Variants in NXN observed in about 807,000 individuals in gnomAD.
NXN encodes nucleoredoxin 1.
A neutral mutation model predicts 48.6 loss-of-function variants in NXN; 16 were observed. The observed-to-expected ratio is 0.33, with a 90% CI of 0.22 to 0.50. The LOEUF (loss-of-function observed/expected upper bound fraction) is 0.50, where lower values mean the gene tolerates loss of function less well. NXN is among the 20% of genes least tolerant of loss of function. The probability of loss-of-function intolerance (pLI) is 0.98; values close to 1 mark genes in which losing one functional copy is unlikely to be tolerated. For missense variants in NXN, 492 were observed against 605.5 expected (o/e 0.81, Z 1.97); for synonymous variants, 281 against 269.6 (o/e 1.04, Z -0.41).
intron 5 of NXN, 121 bp downstream of exon 5, chr17:819,318 A>G: frequency 1.3e-6 from 1 of 744,308 alleles, no homozygotes; most frequent in Non-Finnish European, 2.4e-6. Context: ...GAAACATGAA[A>G]GGCACATGAA....
chr17:812,556 A>T (rs560144714), intron 5 of NXN, among the ~76,000 whole-genome samples: 1 of 151,630 alleles, frequency 6.6e-6, no homozygotes, highest in South Asian at 2.1e-4. Context: ...CTGCAGAGCG[A>T]GTGTGTGTGT....
intron 1 of NXN, among the ~76,000 whole-genome samples, chr17:971,641 C>T (rs1425626217): frequency 6.6e-6 from 1 of 151,686 alleles, no homozygotes; most frequent in Non-Finnish European, 1.5e-5. Flanking sequence ...ACCGGGAAGG[C>T]GGAGCTGGCA....
chr17:878,619 G>A (rs2068247593), intron 1 of NXN, among the ~76,000 whole-genome samples: 1 of 152,078 alleles, frequency 6.6e-6, no homozygotes, highest in Admixed American at 6.5e-5. Context: ...GTGAACAACT[G>A]GTACTGTAGC....
intron 1 of NXN, among the ~76,000 whole-genome samples, chr17:948,353 G>T (rs985415161): frequency 7.9e-5 from 12 of 151,866 alleles, no homozygotes; most frequent in African/African-American, 2.9e-4. Flanking sequence ...GAAAACAAAG[G>T]AAACAAAACA....
intron 1 of NXN, among the ~76,000 whole-genome samples, chr17:935,710 G>A (rs537522140): frequency 6.6e-6 from 1 of 152,116 alleles, no homozygotes; most frequent in Non-Finnish European, 1.5e-5. Flanking sequence ...ATTCATGCGG[G>A]TATTGACTGT....
intron 5 of NXN, among the ~76,000 whole-genome samples, chr17:807,855 C>T (rs1433521024): frequency 6.6e-6 from 1 of 152,248 alleles, no homozygotes; most frequent in African/African-American, 2.4e-5. Context: ...GGGCGGGAAA[C>T]GGAACTGGCT....
rs985952610 is a variant in NXN, at chr17:956,500, A to G, written c.360+22819T>C. On this transcript the variant is annotated intron_variant, in intron 1 of 7. Transcript: ENST00000336868. The surrounding 1 kb of genome is among the most constrained non-coding windows in gnomAD (Gnocchi z 4.1). ...ACAACCTCAGCTCACTGCAACCTCC[A>G]CCTCCCGGGTTCCCGCCATTCTCCT... 6.6e-6 allele frequency among the ~76,000 whole-genome samples: 1 copy of G among 151,018 alleles called. No individual in the cohort carries two copies.
At chr17:835,299 C>T (rs1913749926) in intron 1 of NXN, among the ~76,000 whole-genome samples, 1 of 145,874 alleles carries the variant, frequency 6.9e-6, no homozygotes, top group Non-Finnish European at 1.5e-5. Flanking sequence ...CAGACCGAGA[C>T]TCTGTTTCAA....
intron 1 of NXN, among the ~76,000 whole-genome samples, chr17:957,439 C>G (rs1233328263): frequency 1.3e-5 from 2 of 152,078 alleles, no homozygotes; most frequent in Non-Finnish European, 2.9e-5. Context: ...CAAGACCAGC[C>G]TGGCCAAGAT....
chr17:913,819 A>G (rs1404134508), intron 1 of NXN, among the ~76,000 whole-genome samples: 3 of 152,256 alleles, frequency 2.0e-5, no homozygotes, highest in African/African-American at 7.2e-5. Context: ...CACTGGCATA[A>G]ACTCACTTAC....
chr17:815,398 C>A (rs2983482), intron 5 of NXN, among the ~76,000 whole-genome samples: 3,253 of 120,792 alleles, frequency 0.027, 116 homozygotes, highest in African/African-American at 0.097. Flanking sequence ...TCAGCTGACA[C>A]CCATCCGTAC....
intron 7 of NXN, among the ~76,000 whole-genome samples, chr17:802,087 G>C (rs565583145): frequency 6.6e-6 from 1 of 152,232 alleles, no homozygotes; most frequent in South Asian, 2.1e-4. Context: ...GGCAAACACA[G>C]AAATCCAAAG....
intron 5 of NXN, among the ~76,000 whole-genome samples, chr17:806,940 A>ACG (rs374923085): frequency 0.018 from 2,710 of 146,964 alleles, 72 homozygotes; most frequent in Admixed American, 0.052. Context: ...ACACACACAC[A>ACG]CACACACGCA....
intron 1 of NXN, among the ~76,000 whole-genome samples, chr17:969,958 T>G (rs1183912206): frequency 6.6e-6 from 1 of 152,160 alleles, no homozygotes; most frequent in Non-Finnish European, 1.5e-5. Context: ...AATTGGTGCC[T>G]GTACTGAGAC....
chr17:811,695 CG>C (rs1272777791), intron 5 of NXN, among the ~76,000 whole-genome samples: 3 of 152,104 alleles, frequency 2.0e-5, no homozygotes, highest in Admixed American at 2.0e-4. Context: ...TTGGCCAGGC[CG>C]GCCTGGGGCC....
intron 6 of NXN, among the ~76,000 whole-genome samples, chr17:804,792 C>G (rs887340212): frequency 1.3e-5 from 2 of 152,212 alleles, no homozygotes; most frequent in African/African-American, 2.4e-5. Context: ...AATGGGTCTG[C>G]GCATGGGGGC....
chr17:855,953 G>A (rs113081572), intron 1 of NXN, among the ~76,000 whole-genome samples: 4,876 of 152,212 alleles, frequency 0.032, 94 homozygotes, highest in Non-Finnish European at 0.043. Flanking sequence ...CCAGCACTTT[G>A]GGAGGCCTAG....
intron 1 of NXN, among the ~76,000 whole-genome samples, chr17:861,770 T>A (rs2068042996): frequency 1.3e-5 from 2 of 151,948 alleles, no homozygotes; most frequent in Admixed American, 1.3e-4. Context: ...TTTTTTTTTT[T>A]AATCCATGAG....
chr17:877,336 C>T (rs1299354159), intron 1 of NXN, among the ~76,000 whole-genome samples: 3 of 151,870 alleles, frequency 2.0e-5, no homozygotes, highest in East Asian at 2.0e-4. Flanking sequence ...TTAGTACAGG[C>T]GGGGTTTCAC....
Sources: allele counts gnomAD v4.1 joint callset (sites outside exome capture counted in the v4.1 genomes callset), GRCh38; gene constraint gnomAD v4.1.1; non-coding constraint Gnocchi (gnomAD v3.1); transcripts MANE v1.5; gene names NCBI Gene and HGNC (gene_info 2026-07-23, HGNC 2026-07-21).